Variants in CAMSAP1 observed in about 807,000 individuals in gnomAD.
CAMSAP1 encodes the protein calmodulin regulated spectrin associated protein 1.
CAMSAP1 carries 58 observed loss-of-function variants against 143.5 expected under a neutral mutation model. The observed-to-expected ratio is 0.40, with a 90% CI of 0.33 to 0.50. The LOEUF (loss-of-function observed/expected upper bound fraction) is 0.50, where lower values mean the gene tolerates loss of function less well. CAMSAP1 is among the 20% of genes least tolerant of loss of function. CAMSAP1 has a pLI of 0.45. For synonymous variants in CAMSAP1, 945 were observed against 859.3 expected (o/e 1.10, Z -1.74); for missense variants, 1,969 against 2,115.7 (o/e 0.93, Z 1.36).
chr9:135,874,489 G>T (rs865943489), intron 3 of CAMSAP1, among the ~76,000 whole-genome samples: 10 of 144,948 alleles, frequency 6.9e-5, no homozygotes, highest in African/African-American at 1.8e-4. Context: ...GGGGGGGGGG[G>T]GCCACAGGGG....
At chr9:135,842,945 A>G (rs1836411999) in intron 7 of CAMSAP1, among the ~76,000 whole-genome samples, 1 of 152,240 alleles carries the variant, frequency 6.6e-6, no homozygotes, top group African/African-American at 2.4e-5. Context: ...AACGGGCAAA[A>G]TAAGCAGCTA....
rs12555796 is a variant in CAMSAP1 at position 135,883,148 on chromosome 9, G to C, written c.161-70C>G. 4.0e-6 allele frequency: 6 copies of C among 1,498,960 alleles called. 1 individual carries two copies. In the South Asian group the frequency reaches 6.3e-5, roughly 16 times the overall value. 92.9% of individuals were successfully genotyped at this position (1,498,960 alleles called of 1,614,324 possible). A position where few individuals can be genotyped will look rare whatever the true frequency, so the allele number is the denominator to read the frequency against. On this transcript the variant is annotated intron_variant, in intron 1 of 16. Transcript: ENST00000389532. ...CCAAAGGAAGGAGTTCAAGGCTGCA[G>C]TGAACTATGACTGTGCCACTGTACT...
chr9:135,876,012 G>GT (rs1837736468), intron 3 of CAMSAP1, among the ~76,000 whole-genome samples: 1 of 152,244 alleles, frequency 6.6e-6, no homozygotes, highest in African/African-American at 2.4e-5. Context: ...CTAGAGTGCA[G>GT]TGGCATGATC....
intron 11 of CAMSAP1, among the ~76,000 whole-genome samples, chr9:135,819,490 G>C (rs1835363196): frequency 6.6e-6 from 1 of 152,076 alleles, no homozygotes; most frequent in South Asian, 2.1e-4. Context: ...CTTGAGGTCA[G>C]GAGTTCAAGA....
At chr9:135,849,997 G>A (rs745986423) in intron 7 of CAMSAP1, 140 bp downstream of exon 7, 3 of 615,370 alleles carry the variant, frequency 4.9e-6, no homozygotes, top group Non-Finnish European at 8.0e-6. Flanking sequence ...AAACTCTCAC[G>A]CCCGTCCCTG....
intron 1 of CAMSAP1, among the ~76,000 whole-genome samples, chr9:135,898,936 G>A (rs181073808): frequency 2.0e-3 from 306 of 152,212 alleles, no homozygotes; most frequent in African/African-American, 6.7e-3. Context: ...CCAAAAGCTG[G>A]AAATGCCCCC....
intron 5 of CAMSAP1, among the ~76,000 whole-genome samples, chr9:135,855,849 A>C (rs183839897): frequency 1.3e-4 from 20 of 151,824 alleles, no homozygotes; most frequent in African/African-American, 4.4e-4. Context: ...TCAGGAGATC[A>C]AGACCATCCT....
At chr9:135,830,286 C>G (rs900273456) in intron 7 of CAMSAP1, among the ~76,000 whole-genome samples, 1 of 152,182 alleles carries the variant, frequency 6.6e-6, no homozygotes, top group African/African-American at 2.4e-5. Flanking sequence ...ATGAACTAAA[C>G]ACCAAGATTC....
intron 1 of CAMSAP1, among the ~76,000 whole-genome samples, chr9:135,885,303 CCTAT>C (rs1484067470): frequency 1.2e-4 from 19 of 152,298 alleles, no homozygotes; most frequent in African/African-American, 2.6e-4. Flanking sequence ...CCCTGAACTG[CCTAT>C]CTGACATCTC....
intron 7 of CAMSAP1, among the ~76,000 whole-genome samples, chr9:135,846,975 T>C (rs1588469003): frequency 6.6e-6 from 1 of 152,296 alleles, no homozygotes; most frequent in Middle Eastern, 3.4e-3. Flanking sequence ...AGTGTGGCGA[T>C]TCCTCAAGGA....
intron 1 of CAMSAP1, among the ~76,000 whole-genome samples, chr9:135,885,599 C>T (rs1564458258): frequency 6.6e-6 from 1 of 152,172 alleles, no homozygotes; most frequent in Admixed American, 6.5e-5. Flanking sequence ...CAGGAAAAAG[C>T]AACCATGGCT....
rs546758355 is a variant in CAMSAP1, at chr9:135,820,518, G to T, written c.3822+321C>A. On this transcript the variant is annotated intron_variant, in intron 11 of 16. Transcript: ENST00000389532. This position sits in a 1 kb window ranked among gnomAD's most constrained non-coding sequence, Gnocchi z 4.4. ...TTTACGCTTTGGGGCAGGACAGGGAGATGACAGGGTTTTGACTGGAAAACC... is the reference window on the plus strand; with the variant it reads ...TTTACGCTTTGGGGCAGGACAGGGATATGACAGGGTTTTGACTGGAAAACC... 6.6e-6 allele frequency among the ~76,000 whole-genome samples: 1 copy of T among 150,902 alleles called. No individual in the cohort carries two copies. The highest frequency in any genetic ancestry group is 2.0e-4 in the East Asian group (1 of 5,120).
chr9:135,903,011 G>T (rs999832837), intron 1 of CAMSAP1, among the ~76,000 whole-genome samples: 1 of 152,248 alleles, frequency 6.6e-6, no homozygotes, highest in South Asian at 2.1e-4. Context: ...ACTTGCCCTG[G>T]GTTGTTTTTT....
At chr9:135,897,647 T>A (rs1838496228) in intron 1 of CAMSAP1, among the ~76,000 whole-genome samples, 1 of 152,112 alleles carries the variant, frequency 6.6e-6, no homozygotes, top group Non-Finnish European at 1.5e-5. Context: ...CATCAAGCCA[T>A]GATGACGTCC....
chr9:135,891,616 G>C (rs1313943379), intron 1 of CAMSAP1, among the ~76,000 whole-genome samples: 1 of 152,168 alleles, frequency 6.6e-6, no homozygotes, highest in Non-Finnish European at 1.5e-5. Context: ...CCAGAAACCA[G>C]TCTCACAGCA....
At chr9:135,869,855 G>A (rs150671198) in intron 3 of CAMSAP1, among the ~76,000 whole-genome samples, 1 of 152,256 alleles carries the variant, frequency 6.6e-6, no homozygotes, top group East Asian at 1.9e-4. Context: ...GCATAAAAAG[G>A]AATGAAACGC....
intron 1 of CAMSAP1, among the ~76,000 whole-genome samples, chr9:135,894,899 CA>C (rs551404744): frequency 4.6e-5 from 7 of 152,128 alleles, no homozygotes; most frequent in Non-Finnish European, 8.8e-5. Context: ...TCTCCTGAAA[CA>C]AAATTAGAAA....
chr9:135,903,027 T>C (rs1260870479), intron 1 of CAMSAP1, among the ~76,000 whole-genome samples: 3 of 152,194 alleles, frequency 2.0e-5, no homozygotes, highest in Non-Finnish European at 4.4e-5. Flanking sequence ...TTTTTAACAT[T>C]GTCCTTGAGA....
chr9:135,901,917 C>A (rs990203116), intron 1 of CAMSAP1, among the ~76,000 whole-genome samples: 1 of 152,208 alleles, frequency 6.6e-6, no homozygotes, highest in African/African-American at 2.4e-5. Flanking sequence ...ACTCAGTACA[C>A]CCGAAGACAC....
Sources: gnomAD v4.1 joint callset for allele counts (sites outside exome capture counted in the v4.1 genomes callset) on GRCh38, gnomAD v4.1.1 for gene constraint, Gnocchi (gnomAD v3.1) non-coding constraint, MANE v1.5 for transcripts, NCBI Gene and HGNC (gene_info 2026-07-23, HGNC 2026-07-21) for gene names.